The following PTPRT variants were observed in gnomAD, a reference collection of about 807,000 sequenced individuals.
The protein encoded by PTPRT is receptor-type tyrosine-protein phosphatase T.
A neutral mutation model predicts 176.8 loss-of-function variants in PTPRT; 56 were observed. The observed-to-expected ratio is 0.32, with a 90% CI of 0.26 to 0.40. The LOEUF (loss-of-function observed/expected upper bound fraction) is 0.40. Among genes scored for constraint, PTPRT ranks in the 10% least tolerant of loss-of-function variants. PTPRT has a pLI of 1.00. For missense variants in PTPRT, 1,540 were observed against 1,908.2 expected (o/e 0.81, Z 3.60); for synonymous variants, 783 against 739.0 (o/e 1.06, Z -0.96).
At chr20:43,049,407 C>T (rs1421025982) in intron 1 of PTPRT, among the ~76,000 whole-genome samples, 2 of 152,192 alleles carry the variant, frequency 1.3e-5, no homozygotes, top group Non-Finnish European at 2.9e-5. Flanking sequence ...AAAGCCATCT[C>T]TCTACTTCAA....
intron 5 of PTPRT, among the ~76,000 whole-genome samples, chr20:42,759,852 G>A (rs554458997): frequency 1.3e-5 from 2 of 152,272 alleles, no homozygotes; most frequent in African/African-American, 4.8e-5. Flanking sequence ...CTCAACAAAT[G>A]TCCCAGTGGG....
At chr20:42,355,197 C>T (rs2058342015) in intron 9 of PTPRT, among the ~76,000 whole-genome samples, 1 of 152,102 alleles carries the variant, frequency 6.6e-6, no homozygotes, top group Non-Finnish European at 1.5e-5. Context: ...TTCCTTATAC[C>T]CCTGCAAGCT....
At chr20:42,539,790 G>T (rs6102894) in intron 7 of PTPRT, among the ~76,000 whole-genome samples, 38,380 of 151,926 alleles carry the variant, frequency 0.25, 6,525 homozygotes, top group African/African-American at 0.49. Flanking sequence ...ATTAAAAATA[G>T]GACACTATAT....
At position 42,482,125 on chromosome 20, in the gene PTPRT, A is replaced by G. The variant is rs189708869; in HGVS notation, c.1154-9563T>C. Among the ~76,000 whole-genome samples, 5 of 152,328 alleles carry G rather than the reference A, an allele frequency of 3.3e-5. No individual in the cohort carries two copies. The East Asian group carries it at 9.6e-4, about 29-fold the overall frequency. ...AAGGATGGATAGGATTAAACCAGGT[A>G]AAGGGGAAGAGTGTGTATAGAAGGG... On this transcript the variant is annotated intron_variant, in intron 7 of 30. Transcript: ENST00000373187.
At chr20:42,757,510 C>T (rs532476905) in intron 5 of PTPRT, among the ~76,000 whole-genome samples, 2 of 152,178 alleles carry the variant, frequency 1.3e-5, no homozygotes, top group Non-Finnish European at 2.9e-5. Context: ...GTCTGGTCTC[C>T]CTGGGGACAC....
rs560272334 is a variant in PTPRT, at chr20:42,851,390, C to T, written c.214+34417G>A. 2.6e-5 allele frequency among the ~76,000 whole-genome samples: 4 copies of T among 152,304 alleles called. No homozygotes were observed. The East Asian group carries it at 7.7e-4, about 29-fold the overall frequency. ...TCTATTATTCTTAACTTTATTAACT[C>T]TAATCTTACTCAACTCTAATCATCA... is the stretch of plus-strand genomic sequence containing the variant. On this transcript the variant is annotated intron_variant, in intron 2 of 30. Transcript: ENST00000373187.
chr20:42,866,379 C>A (rs1023702102), intron 2 of PTPRT, among the ~76,000 whole-genome samples: 1 of 152,194 alleles, frequency 6.6e-6, no homozygotes, highest in Non-Finnish European at 1.5e-5. Context: ...TGACTCCACA[C>A]CCAAATCCAG....
chr20:42,628,069 A>G (rs2074329011), intron 7 of PTPRT, among the ~76,000 whole-genome samples: 2 of 152,044 alleles, frequency 1.3e-5, no homozygotes, highest in African/African-American at 4.8e-5. Context: ...CACAGCCCCC[A>G]CCCCATCTGG....
intron 2 of PTPRT, among the ~76,000 whole-genome samples, chr20:42,883,798 CACA>C: frequency 7.8e-6 from 1 of 128,814 alleles, no homozygotes; most frequent in Middle Eastern, 4.2e-3. Context: ...CCCATACACA[CACA>C]ACCCTTACAC....
rs79554417 is a variant in PTPRT, at chr20:42,783,613, C to T, written c.487-3314G>A. On this transcript the variant is annotated intron_variant, in intron 3 of 30. Coordinates refer to ENST00000373187, the MANE Select transcript of PTPRT (RefSeq NM_007050.6). ...TAGGAAGCCCCACCCAATAGATAGC[C>T]AGCTCCAGTTTTTAGGGACAGACAC... Among the ~76,000 whole-genome samples, 1,413 of 152,218 alleles carry T rather than the reference C, an allele frequency of 9.3e-3. 32 individuals carry two copies. Among genetic ancestry groups the T allele is most frequent in the African/African-American group, 0.032 (1,327 of 41,542 alleles).
At chr20:42,404,099 T>C (rs2058936056) in intron 9 of PTPRT, among the ~76,000 whole-genome samples, 1 of 152,210 alleles carries the variant, frequency 6.6e-6, no homozygotes, top group South Asian at 2.1e-4. Flanking sequence ...TGGTTGAGAC[T>C]GGCTAGATAT....
At chr20:42,515,805 G>T (rs946313868) in intron 7 of PTPRT, among the ~76,000 whole-genome samples, 3 of 151,282 alleles carry the variant, frequency 2.0e-5, no homozygotes, top group Admixed American at 6.6e-5. Flanking sequence ...ACATGCACAC[G>T]TATGTTTATT....
At chr20:42,267,236 T>C (rs556675938) in intron 13 of PTPRT, among the ~76,000 whole-genome samples, 1 of 152,330 alleles carries the variant, frequency 6.6e-6, no homozygotes, top group Non-Finnish European at 1.5e-5. Flanking sequence ...TGTTAAATGA[T>C]TTTGCCCAAC....
chr20:42,078,415 G>A lies in PTPRT; in HGVS notation c.*2464C>T, dbSNP rs1383232928. 1 of 210,502 alleles carries A rather than the reference G, an allele frequency of 4.8e-6. No homozygotes were observed. The highest frequency in any genetic ancestry group is 7.1e-5 in the East Asian group (1 of 14,044). The allele number at this position is 210,502 out of a possible 1,614,324, so 13.0% of individuals were successfully genotyped here. A position where few individuals can be genotyped will look rare whatever the true frequency, so the allele number is the denominator to read the frequency against. On this transcript the variant is annotated 3_prime_UTR_variant, in exon 31 of 31. Transcript: ENST00000373187. ...AGACCCTGGGTTTCTCATAGAATCT[G>A]AGTCTCATGATCCATTGCATATTTA... is the stretch of plus-strand genomic sequence containing the variant.
intron 9 of PTPRT, among the ~76,000 whole-genome samples, chr20:42,364,417 G>A (rs2058486670): frequency 1.3e-5 from 2 of 152,224 alleles, no homozygotes; most frequent in Non-Finnish European, 2.9e-5. Flanking sequence ...ATCCAGCAGA[G>A]TAGCATTTGT....
At chr20:42,550,608 C>T (rs1027479931) in intron 7 of PTPRT, among the ~76,000 whole-genome samples, 3 of 152,020 alleles carry the variant, frequency 2.0e-5, no homozygotes, top group Non-Finnish European at 2.9e-5. Context: ...ACACAAATTC[C>T]GACTGGTACA....
At chr20:42,689,307 A>C (rs1345542526) in intron 6 of PTPRT, among the ~76,000 whole-genome samples, 1 of 152,166 alleles carries the variant, frequency 6.6e-6, no homozygotes, top group Non-Finnish European at 1.5e-5. Context: ...CTGGACGCTG[A>C]GGGGGGTTCA....
At chr20:42,041,326 G>A in the PTPRT span, among the ~76,000 whole-genome samples, 1 of 152,182 alleles carries the variant, frequency 6.6e-6, no homozygotes, top group Non-Finnish European at 1.5e-5. Context: ...GAAGTGCCTG[G>A]AATAGCAATT....
At chr20:42,566,795 A>G (rs921034906) in intron 7 of PTPRT, among the ~76,000 whole-genome samples, 10 of 152,188 alleles carry the variant, frequency 6.6e-5, no homozygotes, top group Non-Finnish European at 2.9e-5. Context: ...TGTAAGTAGG[A>G]AAAAAACACA....
Sources: gnomAD v4.1 joint callset for allele counts (sites outside exome capture counted in the v4.1 genomes callset) on GRCh38, gnomAD v4.1.1 for gene constraint, MANE v1.5 for transcripts, NCBI Gene and HGNC (gene_info 2026-07-23, HGNC 2026-07-21) for gene names.